Variants in ANKMY2 observed in about 807,000 individuals in gnomAD.
The protein encoded by ANKMY2 is ankyrin repeat and MYND domain-containing protein 2.
A neutral mutation model predicts 50.4 loss-of-function variants in ANKMY2; 36 were observed. The ratio of observed to expected loss-of-function variants is 0.71; its 90% CI spans 0.55 to 0.94. ANKMY2 has a LOEUF of 0.94. Among genes scored for constraint, ANKMY2 ranks in the 40% least tolerant of loss-of-function variants. ANKMY2 has a pLI of 0.00. For synonymous variants in ANKMY2, 187 were observed against 178.8 expected, an observed-to-expected ratio of 1.05 and a Z score of -0.36; for missense variants, 565 against 524.0, an observed-to-expected ratio of 1.08 and a Z score of -0.76.
intron 1 of ANKMY2, among the ~76,000 whole-genome samples, chr7:16,645,174 C>A (rs913293360): frequency 1.3e-5 from 2 of 152,134 alleles, no homozygotes; most frequent in Non-Finnish European, 2.9e-5. Context: ...CAAAATCCCT[C>A]GGGAGCAGTG....
At position 16,610,537 on chromosome 7, in the gene ANKMY2, TAA is replaced by T. The variant is rs1269620026; in HGVS notation, c.746+10_746+11del. ...TGAGTGTATTTTATAAACGACATAG[TAA>T]AAAGAGTACCTTTTGATCAAGGTGT... On this transcript the variant is annotated intron_variant, in intron 6 of 9. Transcript: ENST00000306999. The T allele has an allele frequency of 6.3e-7, 1 of 1,593,090 alleles. No individual in the cohort carries two copies. Among genetic ancestry groups the T allele is most frequent in the Non-Finnish European group, 8.6e-7 (1 of 1,164,868 alleles).
chr7:16,620,561 C>G (rs906253483), intron 4 of ANKMY2, among the ~76,000 whole-genome samples: 2 of 149,776 alleles, frequency 1.3e-5, no homozygotes, highest in Non-Finnish European at 2.9e-5. Context: ...ACAGTTTTGA[C>G]CAGCCAATCA....
chr7:16,636,750 T>C (rs546205729), intron 1 of ANKMY2, among the ~76,000 whole-genome samples: 1 of 152,120 alleles, frequency 6.6e-6, no homozygotes, highest in Non-Finnish European at 1.5e-5. Context: ...CCACAAAGCA[T>C]AAGACTTAAT....
At chr7:16,611,974 C>T (rs1040846578) in intron 5 of ANKMY2, among the ~76,000 whole-genome samples, 3 of 152,184 alleles carry the variant, frequency 2.0e-5, no homozygotes, top group African/African-American at 7.2e-5. Flanking sequence ...GAGAGCTTTC[C>T]TTTCACTTAA....
intron 1 of ANKMY2, 132 bp downstream of exon 1, chr7:16,645,375 T>C (rs1390532350): frequency 1.1e-6 from 1 of 871,896 alleles, no homozygotes; most frequent in East Asian, 3.0e-5. Context: ...GGAGAAACGC[T>C]CTTTCCCGGT....
chr7:16,608,082 G>A (rs1781189445), intron 7 of ANKMY2, among the ~76,000 whole-genome samples: 1 of 152,162 alleles, frequency 6.6e-6, no homozygotes, highest in African/African-American at 2.4e-5. Context: ...AACCTACACA[G>A]CTAAGGAATA....
chr7:16,639,686 G>A (rs1781720167), intron 1 of ANKMY2, among the ~76,000 whole-genome samples: 1 of 152,074 alleles, frequency 6.6e-6, no homozygotes, highest in Non-Finnish European at 1.5e-5. Flanking sequence ...GGAGGCTGAG[G>A]TGGGAGGATT....
intron 2 of ANKMY2, among the ~76,000 whole-genome samples, chr7:16,629,282 T>A (rs111806411): frequency 0.032 from 4,931 of 152,296 alleles, 281 homozygotes; most frequent in African/African-American, 0.11. Context: ...ACGCCTGTAA[T>A]CCCAACACTT....
chr7:16,605,348 T>C (rs1315869749), intron 7 of ANKMY2, among the ~76,000 whole-genome samples: 1 of 152,182 alleles, frequency 6.6e-6, no homozygotes, highest in Non-Finnish European at 1.5e-5. Context: ...GTAATTCAAA[T>C]AAATTATCAC....
chr7:16,632,479 T>C (rs1216581351), intron 2 of ANKMY2, among the ~76,000 whole-genome samples: 1 of 152,196 alleles, frequency 6.6e-6, no homozygotes, highest in Non-Finnish European at 1.5e-5. Context: ...CTATTTTTGG[T>C]ATTTTGTATA....
At chr7:16,632,556 G>A (rs1377585588) in intron 2 of ANKMY2, among the ~76,000 whole-genome samples, 1 of 152,112 alleles carries the variant, frequency 6.6e-6, no homozygotes, top group Non-Finnish European at 1.5e-5. Context: ...TGTTTTCAAG[G>A]TTGATGCATG....
chr7:16,601,003 A>G, intron 9 of ANKMY2, 58 bp from the exon 10 acceptor site: 2 of 1,310,500 alleles, frequency 1.5e-6, no homozygotes, highest in South Asian at 1.6e-5. Flanking sequence ...ACTCTTCTCA[A>G]TGCTTTACAT....
rs971824454 is a variant in ANKMY2, at chr7:16,642,651, A to G, written c.67+2856T>C. 2.0e-5 allele frequency among the ~76,000 whole-genome samples: 3 copies of G among 151,684 alleles called. No individual in the cohort carries two copies. The South Asian group carries it at 6.2e-4, about 31-fold the overall frequency. On this transcript the variant is annotated intron_variant, in intron 1 of 9. Transcript: ENST00000306999. ...TTTTCAAAGTTGAAAAACGTATGAA[A>G]GAAAAAAAAAAAAACTCACTTCACC...
At chr7:16,621,861 T>C (rs1251213175) in intron 4 of ANKMY2, among the ~76,000 whole-genome samples, 2 of 151,816 alleles carry the variant, frequency 1.3e-5, no homozygotes, top group South Asian at 2.1e-4. Context: ...CCCAGCTACA[T>C]GGGAGGCTGA....
Position 16,622,509 on chromosome 7 carries a change from C to T in ANKMY2, c.370+2474G>A, listed in dbSNP as rs930018915. ...ATCCCAGCACTTTGGGAGGCCGAGG[C>T]GGGCAGATCACAAGGTCAGGAGTTC... On this transcript the variant is annotated intron_variant, in intron 4 of 9. Coordinates refer to ENST00000306999, the MANE Select transcript of ANKMY2 (RefSeq NM_020319.3). 4.6e-5 allele frequency among the ~76,000 whole-genome samples: 7 copies of T among 152,054 alleles called. No individual in the cohort carries two copies. The East Asian group carries it at 9.7e-4, about 21-fold the overall frequency.
At chr7:16,629,053 G>A (rs1015298175) in intron 2 of ANKMY2, among the ~76,000 whole-genome samples, 4 of 152,192 alleles carry the variant, frequency 2.6e-5, no homozygotes, top group Non-Finnish European at 5.9e-5. Context: ...TCCTGTGTTT[G>A]TGTTTTCACT....
chr7:16,613,809 A>C (rs1378131947), intron 5 of ANKMY2, among the ~76,000 whole-genome samples: 2 of 151,234 alleles, frequency 1.3e-5, no homozygotes, highest in Non-Finnish European at 2.9e-5. Flanking sequence ...GGTGGTGGGC[A>C]CCTGTAATCC....
chr7:16,628,829 C>T (rs772367922), intron 2 of ANKMY2, among the ~76,000 whole-genome samples: 1 of 151,918 alleles, frequency 6.6e-6, no homozygotes, highest in Non-Finnish European at 1.5e-5. Flanking sequence ...AGTCAATTGC[C>T]CAGCAATCCA....
intron 7 of ANKMY2, 132 bp downstream of exon 7, chr7:16,609,498 T>C: frequency 6.7e-6 from 7 of 1,047,594 alleles, no homozygotes; most frequent in Non-Finnish European, 8.9e-6. Context: ...CAGGCAAACC[T>C]ATCTCCACCT....
Sources: gnomAD v4.1 joint callset for allele counts (sites outside exome capture counted in the v4.1 genomes callset) on GRCh38, gnomAD v4.1.1 for gene constraint, MANE v1.5 for transcripts, NCBI Gene and HGNC (gene_info 2026-07-23, HGNC 2026-07-21) for gene names.